KIAA1328: variants seen among roughly 807,000 people sequenced by gnomAD.
KIAA1328 encodes KIAA1328.
KIAA1328 carries 52 observed loss-of-function variants against 68.1 expected under a neutral mutation model. That is an observed-to-expected ratio of 0.76 (90% CI 0.61 to 0.96). The LOEUF (loss-of-function observed/expected upper bound fraction) is 0.96. Ranked by LOEUF, KIAA1328 falls within the 40% of genes least tolerant of loss-of-function variation. The pLI is 0.00. For synonymous variants in KIAA1328, 232 were observed against 239.4 expected (o/e 0.97, Z 0.28); for missense variants, 641 against 677.6 (o/e 0.95, Z 0.60).
At chr18:36,834,473 A>C (rs1294022003) in intron 2 of KIAA1328, 118 bp downstream of exon 2, 1 of 811,596 alleles carries the variant, frequency 1.2e-6, no homozygotes, top group Non-Finnish European at 1.7e-6. Flanking sequence ...GCAGTACATC[A>C]AAACCTAAAA....
At chr18:36,918,924 T>A (rs2049815646) in intron 5 of KIAA1328, among the ~76,000 whole-genome samples, 1 of 152,206 alleles carries the variant, frequency 6.6e-6, no homozygotes, top group African/African-American at 2.4e-5. Flanking sequence ...GTTTAGATAC[T>A]CTGTATAATT....
At chr18:37,060,412 A>G (rs935521316) in intron 6 of KIAA1328, among the ~76,000 whole-genome samples, 2 of 152,232 alleles carry the variant, frequency 1.3e-5, no homozygotes, top group Middle Eastern at 3.2e-3. Flanking sequence ...ATCATGACAT[A>G]TAAGAGAAAT....
At chr18:36,844,400 G>GCTACCATAAGATCAAAGAT in intron 4 of KIAA1328, 98 bp downstream of exon 4, 1 of 665,728 alleles carries the variant, frequency 1.5e-6, no homozygotes, top group Non-Finnish European at 2.3e-6. Context: ...TAATATCTTT[G>GCTACCATAAGATCAAAGAT]ATCTTATGGT....
At chr18:36,902,545 A>G (rs562961418) in intron 5 of KIAA1328, among the ~76,000 whole-genome samples, 31 of 152,126 alleles carry the variant, frequency 2.0e-4, no homozygotes, top group African/African-American at 7.0e-4. Context: ...TCAATCCTTG[A>G]CCTCAGAGGA....
chr18:37,067,720 C>T (rs1160958182), intron 7 of KIAA1328, among the ~76,000 whole-genome samples, 175 bp downstream of exon 7: 6 of 151,986 alleles, frequency 3.9e-5, no homozygotes, highest in African/African-American at 9.7e-5. Flanking sequence ...CCACCATGCC[C>T]GGCTAATTTT....
chr18:36,876,312 T>G (rs1278566846), intron 4 of KIAA1328, among the ~76,000 whole-genome samples: 1 of 152,128 alleles, frequency 6.6e-6, no homozygotes, highest in African/African-American at 2.4e-5. Flanking sequence ...CAGACTATTT[T>G]TTTGGTTGGT....
chr18:37,230,313 C>T (rs2060659053), downstream of KIAA1328: 1 of 152,262 alleles, frequency 6.6e-6, no homozygotes, highest in African/African-American at 2.4e-5. Flanking sequence ...GCCTTTAGAC[C>T]TCCAGCCCCT....
chr18:37,080,820 C>T (rs754358696), intron 7 of KIAA1328, among the ~76,000 whole-genome samples: 53 of 151,444 alleles, frequency 3.5e-4, no homozygotes, highest in Non-Finnish European at 6.6e-4. Flanking sequence ...ATGCTGGTTT[C>T]TGGTGCCTTT....
intron 6 of KIAA1328, among the ~76,000 whole-genome samples, chr18:36,963,322 T>C (rs950878219): frequency 1.3e-5 from 2 of 152,198 alleles, no homozygotes; most frequent in Admixed American, 1.3e-4. Flanking sequence ...TTCTATTTAC[T>C]GCTCCTGCAT....
At chr18:36,850,634 G>A (rs1015473120) in intron 4 of KIAA1328, among the ~76,000 whole-genome samples, 6 of 152,252 alleles carry the variant, frequency 3.9e-5, no homozygotes, top group Admixed American at 6.5e-5. Flanking sequence ...CTCTTGTGCT[G>A]TGGAGCCATT....
chr18:37,092,909 C>T (rs1289148935), intron 7 of KIAA1328, among the ~76,000 whole-genome samples: 1 of 152,202 alleles, frequency 6.6e-6, no homozygotes, highest in Non-Finnish European at 1.5e-5. Context: ...AGACCTGCCA[C>T]TCTCAGTGCC....
chr18:37,100,586 C>T (rs2057578968), intron 7 of KIAA1328, among the ~76,000 whole-genome samples: 3 of 152,224 alleles, frequency 2.0e-5, no homozygotes, highest in African/African-American at 7.2e-5. Flanking sequence ...TAGACTCCAC[C>T]TCTGGGGGCA....
chr18:36,893,431 CTATT>C (rs1240103514), intron 5 of KIAA1328, among the ~76,000 whole-genome samples: 1 of 146,028 alleles, frequency 6.8e-6, no homozygotes, highest in East Asian at 2.0e-4. Flanking sequence ...CCCCACCTGG[CTATT>C]TGTGTGTGTG....
chr18:36,848,391 T>A (rs1483393416), intron 4 of KIAA1328, among the ~76,000 whole-genome samples: 1 of 151,376 alleles, frequency 6.6e-6, no homozygotes, highest in Non-Finnish European at 1.5e-5. Flanking sequence ...AAAATAGATT[T>A]TTTTAACATA....
At chr18:37,050,008 G>T (rs2055627230) in intron 6 of KIAA1328, among the ~76,000 whole-genome samples, 1 of 152,080 alleles carries the variant, frequency 6.6e-6, no homozygotes, top group African/African-American at 2.4e-5. Context: ...AAATGTATTA[G>T]AATTTTTTGT....
At chr18:36,881,094 T>C (rs974024831) in intron 4 of KIAA1328, among the ~76,000 whole-genome samples, 2 of 151,972 alleles carry the variant, frequency 1.3e-5, no homozygotes, top group African/African-American at 2.4e-5. Flanking sequence ...TGAGTATCTA[T>C]GAACTAAAAG....
At chr18:36,834,619 T>C (rs1190481777) in intron 2 of KIAA1328, among the ~76,000 whole-genome samples, 2 of 152,192 alleles carry the variant, frequency 1.3e-5, no homozygotes, top group Non-Finnish European at 2.9e-5. Flanking sequence ...GATTCTTTTC[T>C]TATTTTTTCT....
chr18:37,089,755 G>A (rs1473878454), intron 7 of KIAA1328, among the ~76,000 whole-genome samples: 2 of 152,048 alleles, frequency 1.3e-5, no homozygotes, highest in East Asian at 1.9e-4. Context: ...TTGTTGAATT[G>A]CTCAGTATTA....
chr18:37,066,945 A>C lies in KIAA1328; in HGVS notation c.632A>C (p.Tyr211Ser). The C allele has an allele frequency of 6.2e-7, 1 of 1,610,990 alleles. No homozygotes were observed. The highest frequency in any genetic ancestry group is 8.5e-7 in the Non-Finnish European group (1 of 1,178,378). ...TCATCTGTGGAACTGGATGGTTCCT[A>C]CTTGAGCATAGCCAGACCACAGACC... ...QCSSVELDGS[Y>S]LSIARPQTYY... The change falls in exon 7 of 10, where the codon TAC becomes TCC. Residue 211 changes from tyrosine (Y) to serine (S), a missense_variant. Coordinates refer to ENST00000280020, the MANE Select transcript of KIAA1328 (RefSeq NM_020776.3).
Sources: gnomAD v4.1 joint callset for allele counts (sites outside exome capture counted in the v4.1 genomes callset) on GRCh38, gnomAD v4.1.1 for gene constraint, MANE v1.5 for transcripts, NCBI Gene and HGNC (gene_info 2026-07-23, HGNC 2026-07-21) for gene names.